GPC6: variants seen among roughly 807,000 people sequenced by gnomAD.
GPC6 encodes glypican 6.
In GPC6, 14 loss-of-function variants were observed where a neutral mutation model predicts 55.2. The observed-to-expected ratio is 0.25, with a 90% CI of 0.17 to 0.40. The LOEUF (loss-of-function observed/expected upper bound fraction) is 0.40, where lower values mean the gene tolerates loss of function less well. Among genes scored for constraint, GPC6 ranks in the 10% least tolerant of loss-of-function variants. GPC6 has a pLI of 1.00. For synonymous variants in GPC6, 278 were observed against 259.6 expected (o/e 1.07, Z -0.68); for missense variants, 641 against 708.5 (o/e 0.90, Z 1.08).
intron 1 of GPC6, among the ~76,000 whole-genome samples, chr13:93,491,762 A>G (rs1332104410): frequency 7.8e-6 from 1 of 127,754 alleles, no homozygotes; most frequent in African/African-American, 3.0e-5. Context: ...TCCCAGCACC[A>G]TTTATTAAAT....
At chr13:93,302,510 G>T (rs1878716096) in intron 1 of GPC6, among the ~76,000 whole-genome samples, 1 of 152,112 alleles carries the variant, frequency 6.6e-6, no homozygotes, top group Non-Finnish European at 1.5e-5. Flanking sequence ...GCATTGTTTG[G>T]GTATAGTGTA....
At chr13:94,385,037 C>A (rs1182855677) in intron 7 of GPC6, among the ~76,000 whole-genome samples, 1 of 152,016 alleles carries the variant, frequency 6.6e-6, no homozygotes, top group Non-Finnish European at 1.5e-5. Context: ...GTCAGGAGTT[C>A]GAGACCATCC....
chr13:94,201,955 T>TA (rs564471801), intron 4 of GPC6, among the ~76,000 whole-genome samples: 298 of 151,638 alleles, frequency 2.0e-3, no homozygotes, highest in Admixed American at 3.2e-3. Flanking sequence ...TCTCAAAAAA[T>TA]AAAAAAAAGA....
intron 1 of GPC6, among the ~76,000 whole-genome samples, chr13:93,237,335 T>A (rs947610773): frequency 1.3e-4 from 11 of 84,088 alleles, no homozygotes; most frequent in Admixed American, 7.4e-4. Flanking sequence ...ATGTTAAGCA[T>A]TTTTTTCACA....
intron 1 of GPC6, among the ~76,000 whole-genome samples, chr13:93,362,888 C>G (rs1046082553): frequency 6.6e-6 from 1 of 152,070 alleles, no homozygotes; most frequent in African/African-American, 2.4e-5. Flanking sequence ...TTAGCAAGTA[C>G]AAATGTGAGT....
chr13:94,251,161 A>G (rs1049452663), intron 4 of GPC6, among the ~76,000 whole-genome samples: 3 of 152,204 alleles, frequency 2.0e-5, no homozygotes, highest in African/African-American at 4.8e-5. Context: ...TTGCAGCAAC[A>G]TGGATGAAAC....
intron 4 of GPC6, among the ~76,000 whole-genome samples, chr13:94,137,428 G>T (rs1218382469): frequency 6.6e-6 from 1 of 152,156 alleles, no homozygotes; most frequent in Non-Finnish European, 1.5e-5. Flanking sequence ...TTCTAGCAGA[G>T]TGCAATGAGG....
chr13:94,270,522 A>G (rs1192303546), intron 4 of GPC6, among the ~76,000 whole-genome samples: 1 of 152,254 alleles, frequency 6.6e-6, no homozygotes, highest in Non-Finnish European at 1.5e-5. Context: ...TAGAGTTAAC[A>G]TCTGAAAGGA....
intron 2 of GPC6, among the ~76,000 whole-genome samples, chr13:93,613,044 T>G (rs565380221): frequency 6.6e-6 from 1 of 152,304 alleles, no homozygotes; most frequent in African/African-American, 2.4e-5. Flanking sequence ...CTGTTCACTT[T>G]AACTCTCACT....
At chr13:93,798,073 A>G (rs990531686) in intron 2 of GPC6, among the ~76,000 whole-genome samples, 5 of 152,164 alleles carry the variant, frequency 3.3e-5, no homozygotes, top group African/African-American at 1.2e-4. Flanking sequence ...GATGGGAGTT[A>G]CAAGGGGCAA....
intron 4 of GPC6, among the ~76,000 whole-genome samples, chr13:94,181,179 A>T (rs74515177): frequency 0.038 from 5,717 of 152,192 alleles, 359 homozygotes; most frequent in African/African-American, 0.13. Context: ...AGGGGTGGAG[A>T]CCTAAAACAT....
At chr13:93,996,939 AATC>A (rs1881582167) in intron 3 of GPC6, among the ~76,000 whole-genome samples, 1 of 152,194 alleles carries the variant, frequency 6.6e-6, no homozygotes, top group Admixed American at 6.5e-5. Flanking sequence ...TTTTGAATGA[AATC>A]ATCTATCTGT....
chr13:93,238,903 C>G (rs545007691), intron 1 of GPC6, among the ~76,000 whole-genome samples: 1 of 152,188 alleles, frequency 6.6e-6, no homozygotes, highest in East Asian at 1.9e-4. Context: ...TGTTGACTTG[C>G]ATATGTTGAA....
chr13:93,285,636 G>GTGTGTGTGTGTGTGTGTA (rs1555287693), intron 1 of GPC6, among the ~76,000 whole-genome samples: 3 of 149,128 alleles, frequency 2.0e-5, no homozygotes, highest in Non-Finnish European at 4.5e-5. Context: ...GTGTGTGTGT[G>GTGTGTGTGTGTGTGTGTA]TGTGTGTGTG....
chr13:94,305,925 A>G, intron 5 of GPC6, 55 bp from the exon 6 acceptor site: 1 of 1,559,516 alleles, frequency 6.4e-7, no homozygotes, highest in East Asian at 2.2e-5. Context: ...CTGCTTCATG[A>G]ATTTAGGAGA....
At chr13:93,961,093 C>T (rs568643685) in intron 3 of GPC6, among the ~76,000 whole-genome samples, 5 of 152,210 alleles carry the variant, frequency 3.3e-5, no homozygotes, top group Non-Finnish European at 5.9e-5. Context: ...GGATTACAGG[C>T]GTGAGCCACC....
In GPC6 at chr13:94,030,256, G is replaced by A. The variant is rs546645884; in HGVS notation, c.877+2362G>A. Reference sequence around the variant, plus strand: ...GATTTCCTGACCTCGTGATCTGCCCGCCTCGGCCTCCCAAAGTGCTGGGAT... The same window carrying A: ...GATTTCCTGACCTCGTGATCTGCCCACCTCGGCCTCCCAAAGTGCTGGGAT... On this transcript the variant is annotated intron_variant, in intron 4 of 8. Transcript: ENST00000377047. Among the ~76,000 whole-genome samples the A allele has an allele frequency of 2.0e-3, 308 of 152,084 alleles. 3 individuals are homozygous for A. In the Middle Eastern group the frequency reaches 0.031, roughly 15 times the overall value.
At chr13:93,633,671 TAA>T (rs1879574374) in intron 2 of GPC6, among the ~76,000 whole-genome samples, 1 of 148,122 alleles carries the variant, frequency 6.8e-6, no homozygotes, top group Non-Finnish European at 1.5e-5. Context: ...AATAAATAAA[TAA>T]ATAACCAAAG....
intron 1 of GPC6, chr13:93,395,050 A>C (rs1266724419): frequency 1.2e-5 from 3 of 259,726 alleles, no homozygotes; most frequent in Non-Finnish European, 2.3e-5. Context: ...TGGGTCCAAA[A>C]TGTGAAGACT....
Sources: allele counts gnomAD v4.1 joint callset (sites outside exome capture counted in the v4.1 genomes callset), GRCh38; gene constraint gnomAD v4.1.1; transcripts MANE v1.5; gene names NCBI Gene and HGNC (gene_info 2026-07-23, HGNC 2026-07-21).